ACSL3: variants seen among roughly 807,000 people sequenced by gnomAD.
ACSL3 encodes fatty acid CoA ligase Acsl3.
A neutral mutation model predicts 84.7 loss-of-function variants in ACSL3; 34 were observed. The observed-to-expected ratio is 0.40, with a 90% CI of 0.31 to 0.53. The LOEUF is 0.53. Ranked by LOEUF, ACSL3 falls within the 20% of genes least tolerant of loss-of-function variation. ACSL3 has a pLI of 0.48. For synonymous variants in ACSL3, 315 were observed against 299.4 expected, an observed-to-expected ratio of 1.05 and a Z score of -0.54; for missense variants, 680 against 873.1, an observed-to-expected ratio of 0.78 and a Z score of 2.79.
intron 11 of ACSL3, among the ~76,000 whole-genome samples, chr2:222,925,907 A>T (rs571032152): frequency 2.8e-4 from 42 of 152,360 alleles, no homozygotes; most frequent in African/African-American, 9.9e-4. Flanking sequence ...CTTAGAAGTT[A>T]GAAAATGGAA....
rs961776945 is a variant in ACSL3 at position 222,921,181 on chromosome 2, A to T, written c.806-99A>T. On this transcript the variant is annotated intron_variant, in intron 7 of 16. Transcript: ENST00000357430. ...TTGTTGAATTGAGTTAAATTAACTC[A>T]ATTTGATTGAGTTATTTATTTGATG... 6 of 1,354,770 alleles carry T rather than the reference A, an allele frequency of 4.4e-6. No homozygotes were observed. In the African/African-American group the frequency reaches 8.7e-5, roughly 20 times the overall value. 83.9% of individuals were successfully genotyped at this position (1,354,770 alleles called of 1,614,324 possible).
chr2:222,874,723 C>A lies in ACSL3; in HGVS notation c.-206-13107C>A, dbSNP rs115923096. On this transcript the variant is annotated intron_variant, in intron 1 of 16. Transcript: ENST00000357430. ...GAGTATTTATTTTAGTTAAACCAGT[C>A]TTAATCTAGACCTGATTTAAATAAA... Among the ~76,000 whole-genome samples the A allele has an allele frequency of 5.7e-4, 87 of 151,820 alleles. 1 individual carries two copies. The highest frequency in any genetic ancestry group is 9.6e-4 in the Non-Finnish European group (65 of 67,936).
Position 222,914,794 on chromosome 2 carries a change from C to A in ACSL3, c.379-1525C>A, listed in dbSNP as rs374876699. ...GATTAGAAACTTTTCCAGCACAAATCAGATACAATATAGAGTGGGTAGTGT... is the reference window on the plus strand; with the variant it reads ...GATTAGAAACTTTTCCAGCACAAATAAGATACAATATAGAGTGGGTAGTGT... On this transcript the variant is annotated intron_variant, in intron 4 of 16. Coordinates refer to ENST00000357430, the MANE Select transcript of ACSL3 (RefSeq NM_004457.5). Among the ~76,000 whole-genome samples the A allele has an allele frequency of 2.8e-4, 43 of 152,252 alleles. No homozygotes were observed. The East Asian group carries it at 3.3e-3, about 12-fold the overall frequency.
At chr2:222,888,075 T>A (rs1383934999) in intron 2 of ACSL3, among the ~76,000 whole-genome samples, 187 bp downstream of exon 2, 5 of 152,228 alleles carry the variant, frequency 3.3e-5, no homozygotes, top group Non-Finnish European at 5.9e-5. Flanking sequence ...ACCATGTCAT[T>A]GAGCAGTATT....
intron 2 of ACSL3, 147 bp from the exon 3 acceptor site, chr2:222,900,527 G>GT (rs1277857175): frequency 1.3e-5 from 2 of 151,984 alleles, no homozygotes; most frequent in Non-Finnish European, 2.9e-5. Context: ...TTTCAAGACT[G>GT]TATTTATTTT....
chr2:222,934,474 G>T (rs1376324223), intron 15 of ACSL3, 56 bp from the exon 16 acceptor site: 4 of 1,352,914 alleles, frequency 3.0e-6, no homozygotes, highest in African/African-American at 3.0e-5. Flanking sequence ...AATAATAACT[G>T]CAGTCAACAC....
chr2:222,878,929 CATCACTTGGGCTGTGGTAAT>C (rs1380654784), intron 1 of ACSL3, among the ~76,000 whole-genome samples: 3 of 152,208 alleles, frequency 2.0e-5, no homozygotes, highest in Non-Finnish European at 4.4e-5. Context: ...TTCTGCACTT[CATCACTTGGGCTGTGGTAAT>C]AACCACATAC....
At position 222,889,885 on chromosome 2, in the gene ACSL3, A is replaced by G. The variant is rs538051505; in HGVS notation, c.-148+1997A>G. ...GAGGTGAGAGGGAAGACAACTGGTG[A>G]TCTTAGTTGCTTTGATTTTGAAATA... On this transcript the variant is annotated intron_variant, in intron 2 of 16. Transcript: ENST00000357430. 2.6e-5 allele frequency among the ~76,000 whole-genome samples: 4 copies of G among 152,328 alleles called. No individual in the cohort carries two copies. In the East Asian group the frequency reaches 7.7e-4, roughly 29 times the overall value.
At chr2:222,906,974 A>G (rs1358504265) in intron 3 of ACSL3, among the ~76,000 whole-genome samples, 3 of 152,162 alleles carry the variant, frequency 2.0e-5, no homozygotes, top group Non-Finnish European at 4.4e-5. Context: ...TTCTAAATAT[A>G]GTCGGTCTTA....
intron 4 of ACSL3, among the ~76,000 whole-genome samples, chr2:222,914,750 G>A (rs2106122654): frequency 6.6e-6 from 1 of 152,322 alleles, no homozygotes; most frequent in Non-Finnish European, 1.5e-5. Flanking sequence ...TCTTGGGCTA[G>A]CCATAGGGAC....
Position 222,943,144 on chromosome 2 carries a change from G to A in ACSL3, c.*1490G>A, listed in dbSNP as rs1207511583. On this transcript the variant is annotated 3_prime_UTR_variant, in exon 17 of 17. Transcript: ENST00000357430. ...GAACCTAGGTCTGTGTAAAGTAAGG[G>A]GAGTGTTAGGAGCAGCCAGGACTGT... is the stretch of plus-strand genomic sequence containing the variant. 8.9e-6 allele frequency: 2 copies of A among 225,092 alleles called. No individual in the cohort carries two copies. The highest frequency in any genetic ancestry group is 4.5e-5 in the African/African-American group (2 of 44,726). The allele number at this position is 225,092 out of a possible 1,614,324, so 13.9% of individuals were successfully genotyped here. A position where few individuals can be genotyped will look rare whatever the true frequency, so the allele number is the denominator to read the frequency against.
chr2:222,888,853 T>C (rs1343766192), intron 2 of ACSL3, among the ~76,000 whole-genome samples: 1 of 152,192 alleles, frequency 6.6e-6, no homozygotes, highest in Non-Finnish European at 1.5e-5. Context: ...GGAATATACT[T>C]TGTCCACTTT....
In ACSL3 at chr2:222,864,588, G is replaced by T. The variant is rs907761341; in HGVS notation, c.-207+3330G>T. Among the ~76,000 whole-genome samples, 4 of 152,306 alleles carry T rather than the reference G, an allele frequency of 2.6e-5. No homozygotes were observed. The South Asian group carries it at 8.3e-4, about 32-fold the overall frequency. Reference sequence around the variant, plus strand: ...ATTTAGCAACATGGAGGTCACTGGTGACCTTTGAAAGAGATGCTGATCTGC... The same window carrying T: ...ATTTAGCAACATGGAGGTCACTGGTTACCTTTGAAAGAGATGCTGATCTGC... On this transcript the variant is annotated intron_variant, in intron 1 of 16. Transcript: ENST00000357430.
chr2:222,909,053 A>C lies in ACSL3; in HGVS notation c.281A>C (p.Tyr94Ser). ...GATACTTTAGATAAAGTTTTTACATATGCAAAAAACAAATTTAAGAACAAA... is the reference window on the plus strand; with the variant it reads ...GATACTTTAGATAAAGTTTTTACATCTGCAAAAAACAAATTTAAGAACAAA... ...GCDTLDKVFTYAKNKFKNKRL... is the reference protein window; with the variant it reads ...GCDTLDKVFTSAKNKFKNKRL... Residue 94 changes from tyrosine to serine, a missense_variant, in exon 4 of 17, where the codon TAT becomes TCT. Transcript: ENST00000357430. 1 of 1,612,664 alleles carries C rather than the reference A, an allele frequency of 6.2e-7. No homozygotes were observed. The highest frequency in any genetic ancestry group is 8.5e-7 in the Non-Finnish European group (1 of 1,179,520).
intron 14 of ACSL3, among the ~76,000 whole-genome samples, chr2:222,931,053 C>T (rs971911357): frequency 1.3e-5 from 2 of 152,158 alleles, no homozygotes; most frequent in African/African-American, 4.8e-5. Context: ...AGATAACCTT[C>T]AGTCATTGTT....
intron 16 of ACSL3, among the ~76,000 whole-genome samples, chr2:222,935,102 C>G (rs1697137278): frequency 6.6e-6 from 1 of 152,108 alleles, no homozygotes; most frequent in South Asian, 2.1e-4. Flanking sequence ...GAGGAGTGCC[C>G]AAGACTAGTT....
chr2:222,878,451 C>T (rs939334109), intron 1 of ACSL3, among the ~76,000 whole-genome samples: 1 of 152,194 alleles, frequency 6.6e-6, no homozygotes, highest in African/African-American at 2.4e-5. Flanking sequence ...TTCTCTGCAG[C>T]CTTGTTGACA....
rs147490738 is a variant in ACSL3, at chr2:222,866,410, A to G, written c.-207+5152A>G. Among the ~76,000 whole-genome samples, 1,044 of 152,196 alleles carry G rather than the reference A, an allele frequency of 6.9e-3. 6 individuals are homozygous for G. Among genetic ancestry groups the G allele is most frequent in the African/African-American group, 0.024 (981 of 41,524 alleles). On this transcript the variant is annotated intron_variant, in intron 1 of 16. Coordinates refer to ENST00000357430, the MANE Select transcript of ACSL3 (RefSeq NM_004457.5). ...TCCGCCCGCCTCGCCCTCCCAAAGT[A>G]CTGGGATTACAGGCTGGGAGCTACT...
intron 5 of ACSL3, chr2:222,916,734 T>C (rs974377989): frequency 9.0e-6 from 3 of 331,908 alleles, no homozygotes; most frequent in Non-Finnish European, 1.6e-5. Context: ...TTTCAGGTCT[T>C]GAGAACTAGA....
Sources: gnomAD v4.1 joint callset for allele counts (sites outside exome capture counted in the v4.1 genomes callset) on GRCh38, gnomAD v4.1.1 for gene constraint, MANE v1.5 for transcripts, NCBI Gene and HGNC (gene_info 2026-07-23, HGNC 2026-07-21) for gene names.